The following CACNA1C variants were observed in gnomAD, a reference collection of about 807,000 sequenced individuals.
The protein encoded by CACNA1C is voltage-dependent L-type calcium channel subunit alpha-1C.
Under a neutral mutation model 229.0 loss-of-function variants are expected in CACNA1C, and 30 were observed. That is an observed-to-expected ratio of 0.13 (90% confidence interval 0.10 to 0.18). CACNA1C has a LOEUF of 0.18. CACNA1C is among the 10% of genes least tolerant of loss of function. The probability of loss-of-function intolerance (pLI) is 1.00; values close to 1 mark genes in which losing one functional copy is unlikely to be tolerated. For synonymous variants in CACNA1C, 1,114 were observed against 1,132.5 expected, an observed-to-expected ratio of 0.98 and a Z score of 0.33; for missense variants, 1,658 against 2,845.0, an observed-to-expected ratio of 0.58 and a Z score of 9.49.
intron 3 of CACNA1C, among the ~76,000 whole-genome samples, chr12:2,148,471 G>C (rs887910738): frequency 2.0e-5 from 3 of 151,176 alleles, no homozygotes; most frequent in African/African-American, 7.3e-5. Flanking sequence ...CTTCCCTCTA[G>C]CTGCCATTTA....
intron 3 of CACNA1C, among the ~76,000 whole-genome samples, chr12:2,225,094 G>A (rs11062166): frequency 0.36 from 54,365 of 152,044 alleles, 10,329 homozygotes; most frequent in African/African-American, 0.46. Context: ...TCTCATGCAA[G>A]TCACTTCACC....
rs1379539001 is a variant in CACNA1C, at chr12:1,996,635, AAAAAAAAAAAAAAAAAAAAAC to A, written c.139+25437_139+25457del. Among the ~76,000 whole-genome samples the A allele has an allele frequency of 2.2e-3, 226 of 103,596 alleles. 7 individuals carry two copies. The highest frequency in any genetic ancestry group is 8.5e-3 in the South Asian group (26 of 3,058). 68.0% of individuals were successfully genotyped at this position (103,596 alleles called of 152,430 possible). ...ATGAGCTAAAAAAAAAAAAAAAAAA[AAAAAAAAAAAAAAAAAAAAAC>A]AACAAACTCTTCTAATGTTTTAAAG... On this transcript the variant is annotated intron_variant, in intron 1 of 46. Transcript: ENST00000682462.
Position 2,067,905 on chromosome 12 carries a change from G to A in CACNA1C, c.49+14294G>A, listed in dbSNP as rs1483670522. On this transcript the variant is annotated intron_variant, in intron 1 of 46. Transcript: ENST00000399655. The surrounding 1 kb of genome is among the most constrained non-coding windows in gnomAD (Gnocchi z 5.3). ...GCCCAGCTTCACAGCCTATGATATT[G>A]GCTCTCTGGAGAACCGGTTAGCCTT... Among the ~76,000 whole-genome samples, 1 of 152,112 alleles carries A rather than the reference G, an allele frequency of 6.6e-6. No individual in the cohort carries two copies. The highest frequency in any genetic ancestry group is 1.5e-5 in the Non-Finnish European group (1 of 68,034).
intron 44 of CACNA1C, 28 bp from the exon 45 acceptor site, chr12:2,686,138 G>C (rs2097469616): frequency 1.3e-6 from 2 of 1,579,674 alleles, no homozygotes; most frequent in East Asian, 2.2e-5. Flanking sequence ...TTCCTGCCCT[G>C]ATGGTGGCTC....
At chr12:2,638,624 C>T (rs938218813) in intron 30 of CACNA1C, among the ~76,000 whole-genome samples, 20 of 152,238 alleles carry the variant, frequency 1.3e-4, no homozygotes, top group Non-Finnish European at 8.8e-5. Context: ...AGATGCATAG[C>T]GTGGAGCAAA....
chr12:2,153,351 A>G (rs978606877), intron 3 of CACNA1C, among the ~76,000 whole-genome samples: 3 of 152,136 alleles, frequency 2.0e-5, no homozygotes, highest in African/African-American at 7.2e-5. Context: ...TTCACATTTT[A>G]ACCATTTTAA....
intron 30 of CACNA1C, 139 bp downstream of exon 30, chr12:2,634,519 T>A (rs1422611312): frequency 8.9e-6 from 4 of 447,744 alleles, no homozygotes; most frequent in Non-Finnish European, 1.6e-5. Flanking sequence ...TGAATTGGTT[T>A]GAAGGTTTTT....
intron 3 of CACNA1C, among the ~76,000 whole-genome samples, chr12:2,274,896 G>A (rs113768852): frequency 2.0e-5 from 3 of 152,276 alleles, no homozygotes; most frequent in Non-Finnish European, 4.4e-5. Flanking sequence ...CAAGTGTCAG[G>A]GATGGACGAA....
At chr12:2,497,947 G>A (rs527873975) in intron 7 of CACNA1C, among the ~76,000 whole-genome samples, 5 of 140,586 alleles carry the variant, frequency 3.6e-5, no homozygotes, top group Non-Finnish European at 6.0e-5. Context: ...CTGGATGTGC[G>A]GAGAAGGTAT....
At chr12:2,297,789 A>G (rs1051778708) in intron 3 of CACNA1C, among the ~76,000 whole-genome samples, 3 of 152,208 alleles carry the variant, frequency 2.0e-5, no homozygotes, top group Non-Finnish European at 4.4e-5. Context: ...TAATGTGCAT[A>G]TACGTGTATC....
intron 3 of CACNA1C, among the ~76,000 whole-genome samples, chr12:2,143,778 C>T (rs963068236): frequency 6.6e-6 from 1 of 151,158 alleles, no homozygotes; most frequent in African/African-American, 2.4e-5. Context: ...GAAGACCATT[C>T]ATGTGGGGCT....
At chr12:1,977,879 C>A (rs763385) in intron 1 of CACNA1C, among the ~76,000 whole-genome samples, 108,202 of 152,076 alleles carry the variant, frequency 0.71, 38,769 homozygotes, top group African/African-American at 0.81. Flanking sequence ...CTTTGGAAGA[C>A]AATCAAGTTT....
intron 3 of CACNA1C, among the ~76,000 whole-genome samples, chr12:2,358,109 A>T (rs999248938): frequency 6.6e-6 from 1 of 152,154 alleles, no homozygotes; most frequent in African/African-American, 2.4e-5. Flanking sequence ...TTATCTCATC[A>T]GCTATGGAGG....
At chr12:2,475,525 C>T (rs1375760306) in intron 5 of CACNA1C, among the ~76,000 whole-genome samples, 1 of 152,026 alleles carries the variant, frequency 6.6e-6, no homozygotes, top group South Asian at 2.1e-4. Context: ...TCCAAAGAAC[C>T]AGATATGGAA....
intron 4 of CACNA1C, among the ~76,000 whole-genome samples, chr12:2,451,945 G>A (rs2099382315): frequency 6.6e-6 from 1 of 152,200 alleles, no homozygotes; most frequent in Non-Finnish European, 1.5e-5. Flanking sequence ...GCCCATTCTT[G>A]TAACAATCCC....
intron 3 of CACNA1C, among the ~76,000 whole-genome samples, chr12:2,318,653 G>A (rs1325843306): frequency 1.3e-5 from 2 of 152,222 alleles, no homozygotes; most frequent in African/African-American, 4.8e-5. Flanking sequence ...CAGCTTGGAG[G>A]AGTTTACAGA....
intron 3 of CACNA1C, among the ~76,000 whole-genome samples, chr12:2,235,413 A>T (rs1034097971): frequency 6.6e-6 from 1 of 152,232 alleles, no homozygotes; most frequent in Non-Finnish European, 1.5e-5. Context: ...ATGTGGCAGG[A>T]CGAGGATGCC....
At chr12:2,045,394 G>A (rs1325587615) in intron 1 of CACNA1C, among the ~76,000 whole-genome samples, 1 of 152,186 alleles carries the variant, frequency 6.6e-6, no homozygotes, top group Non-Finnish European at 1.5e-5. Flanking sequence ...GGAGGTTGAG[G>A]ATCAGAATGG....
Position 2,651,148 on chromosome 12 carries a change from A to T in CACNA1C, c.3946-492A>T. On this transcript the variant is annotated intron_variant, in intron 31 of 46. Coordinates refer to ENST00000399655, the MANE Select transcript of CACNA1C (RefSeq NM_000719.7). The surrounding 1 kb of genome is among the most constrained non-coding windows in gnomAD (Gnocchi z 5.4). ...GACCCCCAAATCCACGCATACCTAC[A>T]GCTGGGAGAGAGGCCAGCCACCAAC... 1 of 157,646 alleles carries T rather than the reference A, an allele frequency of 6.3e-6. No individual in the cohort carries two copies. The highest frequency in any genetic ancestry group is 1.4e-5 in the Non-Finnish European group (1 of 71,886). The allele number at this position is 157,646 out of a possible 1,614,324, so 9.8% of individuals were successfully genotyped here. A position where few individuals can be genotyped will look rare whatever the true frequency, so the allele number is the denominator to read the frequency against.
Sources: allele counts gnomAD v4.1 joint callset (sites outside exome capture counted in the v4.1 genomes callset), GRCh38; gene constraint gnomAD v4.1.1; non-coding constraint Gnocchi (gnomAD v3.1); transcripts MANE v1.5; gene names NCBI Gene and HGNC (gene_info 2026-07-23, HGNC 2026-07-21).